The following MYO5A variants were observed in gnomAD, a reference collection of about 807,000 sequenced individuals.
MYO5A encodes unconventional myosin-Va.
In MYO5A, 98 loss-of-function variants were observed where a neutral mutation model predicts 249.7. The observed-to-expected ratio is 0.39, with a 90% CI of 0.33 to 0.46. MYO5A has a LOEUF of 0.46. Ranked by LOEUF, MYO5A falls within the 20% of genes least tolerant of loss-of-function variation. MYO5A has a pLI of 0.98. For missense variants in MYO5A, 1,696 were observed against 2,308.8 expected, an observed-to-expected ratio of 0.73 and a Z score of 5.44; for synonymous variants, 778 against 810.6, an observed-to-expected ratio of 0.96 and a Z score of 0.68.
chr15:52,357,867 T>TA (rs1400295982), intron 25 of MYO5A, among the ~76,000 whole-genome samples: 1 of 152,138 alleles, frequency 6.6e-6, no homozygotes, highest in East Asian at 1.9e-4. Context: ...TTAACTGACC[T>TA]AAAAAATAAC....
At chr15:52,412,211 G>C (rs938036559) in intron 5 of MYO5A, among the ~76,000 whole-genome samples, 1 of 152,224 alleles carries the variant, frequency 6.6e-6, no homozygotes, top group Non-Finnish European at 1.5e-5. Context: ...TAAGCAAGTG[G>C]AGGAAGGGTG....
At chr15:52,360,990 G>A (rs994906175) in intron 24 of MYO5A, among the ~76,000 whole-genome samples, 2 of 152,150 alleles carry the variant, frequency 1.3e-5, no homozygotes, top group African/African-American at 4.8e-5. Flanking sequence ...CCAGCTGCTG[G>A]AAAAGAGCTA....
At chr15:52,417,800 G>T (rs953893764) in intron 4 of MYO5A, among the ~76,000 whole-genome samples, 2 of 152,180 alleles carry the variant, frequency 1.3e-5, no homozygotes, top group Admixed American at 6.5e-5. Context: ...CCAGATGCCA[G>T]CGCTGTGCTC....
chr15:52,494,122 G>C (rs1612233), intron 1 of MYO5A, among the ~76,000 whole-genome samples: 142,002 of 152,186 alleles, frequency 0.93, 67,056 homozygotes, highest in East Asian at 1. Flanking sequence ...AGTCAAACAT[G>C]TTCCCTATAT....
intron 18 of MYO5A, 43 bp from the exon 19 acceptor site, chr15:52,376,601 T>A: frequency 6.5e-7 from 1 of 1,549,462 alleles, no homozygotes; most frequent in Non-Finnish European, 8.9e-7. Flanking sequence ...AATAATCATA[T>A]AAGTGAAATT....
chr15:52,321,647 T>C, intron 37 of MYO5A, 138 bp from the exon 38 acceptor site: 1 of 927,832 alleles, frequency 1.1e-6, no homozygotes, highest in African/African-American at 1.6e-5. Context: ...AGGACTGACA[T>C]TCTCAAATGC....
chr15:52,453,682 A>G (rs2076063671), intron 1 of MYO5A, among the ~76,000 whole-genome samples: 1 of 152,186 alleles, frequency 6.6e-6, no homozygotes, highest in African/African-American at 2.4e-5. Context: ...TTGAGACAAT[A>G]AAAAGTGAAA....
intron 1 of MYO5A, among the ~76,000 whole-genome samples, chr15:52,440,599 T>C (rs969471721): frequency 1.3e-5 from 2 of 152,210 alleles, no homozygotes; most frequent in Non-Finnish European, 2.9e-5. Context: ...TATCTTACCA[T>C]GATGACAACA....
At chr15:52,498,080 A>C (rs2077078932) in intron 1 of MYO5A, among the ~76,000 whole-genome samples, 1 of 152,104 alleles carries the variant, frequency 6.6e-6, no homozygotes, top group South Asian at 2.1e-4. Context: ...GAAAGTAGAA[A>C]AAAGAAAACA....
chr15:52,451,284 C>A (rs567092249), intron 1 of MYO5A, among the ~76,000 whole-genome samples: 11 of 152,180 alleles, frequency 7.2e-5, no homozygotes, highest in African/African-American at 1.9e-4. Flanking sequence ...GTCCTACCTG[C>A]AATATTTTAA....
intron 1 of MYO5A, among the ~76,000 whole-genome samples, chr15:52,447,770 A>G (rs60248452): frequency 0.15 from 22,459 of 152,260 alleles, 1,785 homozygotes; most frequent in Middle Eastern, 0.22. Flanking sequence ...GCTTTAGGAA[A>G]GAGACTGATG....
chr15:52,520,040 T>G (rs1225733562), intron 1 of MYO5A, among the ~76,000 whole-genome samples: 1 of 152,134 alleles, frequency 6.6e-6, no homozygotes, highest in Non-Finnish European at 1.5e-5. Flanking sequence ...TGGCTTCTAT[T>G]TTTCAATCCA....
intron 11 of MYO5A, among the ~76,000 whole-genome samples, chr15:52,395,520 A>G (rs1268151762): frequency 2.0e-5 from 3 of 152,212 alleles, no homozygotes; most frequent in Non-Finnish European, 4.4e-5. Flanking sequence ...AACACTAAGA[A>G]TCACTCCCAC....
intron 14 of MYO5A, 101 bp from the exon 15 acceptor site, chr15:52,384,423 C>A: frequency 1.7e-6 from 2 of 1,189,944 alleles, no homozygotes; most frequent in Non-Finnish European, 2.5e-6. Context: ...TAAGTAATCA[C>A]TGTCAGAGTC....
chr15:52,392,744 C>T (rs1048097717), intron 11 of MYO5A, among the ~76,000 whole-genome samples: 1 of 152,266 alleles, frequency 6.6e-6, no homozygotes, highest in African/African-American at 2.4e-5. Flanking sequence ...TATTAACTGT[C>T]TACCATGTGC....
chr15:52,452,958 G>C (rs1307357813), intron 1 of MYO5A, among the ~76,000 whole-genome samples: 1 of 151,998 alleles, frequency 6.6e-6, no homozygotes, highest in Non-Finnish European at 1.5e-5. Context: ...AGAATTATTG[G>C]TGTTCAAGAG....
At chr15:52,366,950 G>A (rs2040842344) in intron 23 of MYO5A, 81 bp downstream of exon 23, 3 of 1,135,886 alleles carry the variant, frequency 2.6e-6, no homozygotes, top group African/African-American at 1.5e-5. Flanking sequence ...AAATAATGTT[G>A]TGTAACTCAT....
At position 52,326,863 on chromosome 15, in the gene MYO5A, A is replaced by G. The variant is rs527882702; in HGVS notation, c.4710+989T>C. Among the ~76,000 whole-genome samples, 5 of 152,306 alleles carry G rather than the reference A, an allele frequency of 3.3e-5. No individual in the cohort carries two copies. The East Asian group carries it at 9.6e-4, about 29-fold the overall frequency. Reference sequence around the variant, plus strand: ...GAAAGCAAAGTACCTGGAACATATGATCTTAGCTCCTCACAGCAACACTGA... The same window carrying G: ...GAAAGCAAAGTACCTGGAACATATGGTCTTAGCTCCTCACAGCAACACTGA... On this transcript the variant is annotated intron_variant, in intron 36 of 41. Transcript: ENST00000399233.
Position 52,370,330 on chromosome 15 carries a change from C to G in MYO5A, c.2905G>C (p.Glu969Gln). The G allele has an allele frequency of 6.2e-7, 1 of 1,614,156 alleles. No individual in the cohort carries two copies. Among genetic ancestry groups the G allele is most frequent in the Non-Finnish European group, 8.5e-7 (1 of 1,180,020 alleles). The change falls in exon 22 of 42, where the codon GAA (glutamate) becomes CAA (glutamine). Residue 969 changes from glutamate (E) to glutamine (Q), a missense_variant. Coordinates refer to ENST00000399233, the MANE Select transcript of MYO5A (RefSeq NM_001382347.1). ...SETEKLRSDL[E>Q]RLQLSEEEAK... ...TCCTCTTCACTTAGTTGAAGACGTTCTAAGTCACTTCGTAGTTTCTCAGTC... is the reference window on the plus strand; with the variant it reads ...TCCTCTTCACTTAGTTGAAGACGTTGTAAGTCACTTCGTAGTTTCTCAGTC...
Sources: allele counts gnomAD v4.1 joint callset (sites outside exome capture counted in the v4.1 genomes callset), GRCh38; gene constraint gnomAD v4.1.1; transcripts MANE v1.5; gene names NCBI Gene and HGNC (gene_info 2026-07-23, HGNC 2026-07-21).